The following DMBX1 variants were observed in gnomAD, a reference collection of about 807,000 sequenced individuals.
The protein encoded by DMBX1 is diencephalon/mesencephalon homeobox protein 1.
DMBX1 carries 7 observed loss-of-function variants against 30.4 expected under a neutral mutation model. That is an observed-to-expected ratio of 0.23 (90% confidence interval 0.13 to 0.43). The LOEUF is 0.43. Among genes scored for constraint, DMBX1 ranks in the 20% least tolerant of loss-of-function variants. The pLI is 1.00. For missense variants in DMBX1, 460 were observed against 508.5 expected, an observed-to-expected ratio of 0.90 and a Z score of 0.92; for synonymous variants, 222 against 214.2, an observed-to-expected ratio of 1.04 and a Z score of -0.32.
chr1:46,504,015 G>A (rs74802410), intron 2 of DMBX1, among the ~76,000 whole-genome samples: 8 of 152,344 alleles, frequency 5.3e-5, no homozygotes, highest in African/African-American at 1.4e-4. Flanking sequence ...ACAATTGGCC[G>A]TGAAAGAATA....
intron 2 of DMBX1, among the ~76,000 whole-genome samples, chr1:46,504,028 G>A (rs1666183764): frequency 6.6e-6 from 1 of 152,206 alleles, no homozygotes; most frequent in Admixed American, 6.5e-5. Flanking sequence ...AAAGAATAAG[G>A]CTCATGTCCT....
rs1666324716 is a variant in DMBX1, at chr1:46,510,037, C to T, written c.155-439C>T. 1.3e-5 allele frequency among the ~76,000 whole-genome samples: 2 copies of T among 152,118 alleles called. No individual in the cohort carries two copies. The highest frequency in any genetic ancestry group is 4.1e-4 in the South Asian group (2 of 4,826). On this transcript the variant is annotated intron_variant, in intron 3 of 5. Coordinates refer to ENST00000360032, the MANE Select transcript of DMBX1 (RefSeq NM_172225.2). This position sits in a 1 kb window ranked among gnomAD's most constrained non-coding sequence, Gnocchi z 4.1. ...AGCCTGGCTTCTCATGGGCAGGGAC[C>T]AGTACTCTGATGCTAAAGAAGTCTT...
At chr1:46,509,574 T>C (rs574759125) in intron 3 of DMBX1, among the ~76,000 whole-genome samples, 43 of 152,146 alleles carry the variant, frequency 2.8e-4, no homozygotes, top group Non-Finnish European at 5.3e-4. Context: ...CTGAAGGCTA[T>C]ACCCCAGGAT....
chr1:46,508,749 C>A (rs1666289135), intron 3 of DMBX1, among the ~76,000 whole-genome samples: 1 of 152,190 alleles, frequency 6.6e-6, no homozygotes, highest in African/African-American at 2.4e-5. Context: ...GAGGCCTTGC[C>A]TTCCAGCAGA....
chr1:46,495,973 G>C (rs1324015173), intron 2 of DMBX1, among the ~76,000 whole-genome samples: 1 of 151,068 alleles, frequency 6.6e-6, no homozygotes, highest in Non-Finnish European at 1.5e-5. Context: ...AGGTATCAGA[G>C]AGAACTGGTC....
rs749854768 is a variant in DMBX1 at position 46,512,261 on chromosome 1, G to T, written c.901G>T (p.Gly301Cys). 44 of 1,613,492 alleles carry T rather than the reference G, an allele frequency of 2.7e-5. No individual in the cohort carries two copies. The highest frequency in any genetic ancestry group is 3.5e-5 in the Non-Finnish European group (41 of 1,179,894). ...AAAAAAVPYL[G>C]VNMAPLGSLH... ...GGCGGCTGCTGCTGTGCCCTACCTG[G>T]GCGTCAACATGGCCCCGCTGGGCTC... Residue 301 changes from glycine to cysteine, a missense_variant, in exon 6 of 6, where the codon GGC becomes TGC. Transcript: ENST00000360032. The surrounding 1 kb of genome is among the most constrained non-coding windows in gnomAD (Gnocchi z 4.8).
intron 2 of DMBX1, among the ~76,000 whole-genome samples, chr1:46,499,682 C>T (rs184554814): frequency 1.2e-3 from 187 of 152,266 alleles, no homozygotes; most frequent in African/African-American, 4.4e-3. Flanking sequence ...ATTTCCTAAT[C>T]CTGCTTCTGC....
chr1:46,513,512 C>T lies in DMBX1; in HGVS notation c.*1018C>T, dbSNP rs551463197. ...TAATCTGGGAAGGCAGTAGAATGGC[C>T]AGCATTCCTGCCTGTAAGTCTTCCC... On this transcript the variant is annotated 3_prime_UTR_variant, in exon 6 of 6. Transcript: ENST00000360032. 2 of 152,334 alleles carry T rather than the reference C, an allele frequency of 1.3e-5. No homozygotes were observed. The highest frequency in any genetic ancestry group is 4.8e-5 in the African/African-American group (2 of 41,574). The allele number at this position is 152,334 out of a possible 1,614,324, so 9.4% of individuals were successfully genotyped here. A position where few individuals can be genotyped will look rare whatever the true frequency, so the allele number is the denominator to read the frequency against.
chr1:46,493,020 ACTC>A lies in DMBX1; in HGVS notation c.-13+2248_-13+2250del, dbSNP rs1271883978. Among the ~76,000 whole-genome samples the A allele has an allele frequency of 6.7e-6, 1 of 149,470 alleles. No homozygotes were observed. Among genetic ancestry groups the A allele is most frequent in the South Asian group, 2.1e-4 (1 of 4,666 alleles). On this transcript the variant is annotated intron_variant, in intron 2 of 5. Coordinates refer to ENST00000360032, the MANE Select transcript of DMBX1 (RefSeq NM_172225.2). This position sits in a 1 kb window ranked among gnomAD's most constrained non-coding sequence, Gnocchi z 4.1. ...GCCACTCTCTCCAGGCCTCGAAGTT[ACTC>A]CTCCTCCTCCGGCCAGTCCCAGTTC...
At chr1:46,500,273 C>T (rs1003181441) in intron 2 of DMBX1, among the ~76,000 whole-genome samples, 50 of 152,122 alleles carry the variant, frequency 3.3e-4, no homozygotes, top group African/African-American at 1.2e-3. Context: ...ATCTCTCTGG[C>T]TTCAGTTAAT....
At chr1:46,509,321 G>A (rs573615237) in intron 3 of DMBX1, among the ~76,000 whole-genome samples, 7 of 152,050 alleles carry the variant, frequency 4.6e-5, no homozygotes, top group East Asian at 1.9e-4. Flanking sequence ...TAATCCACCC[G>A]CCCAAAGTGC....
At chr1:46,508,740 A>T (rs1217363222) in intron 3 of DMBX1, among the ~76,000 whole-genome samples, 4 of 152,164 alleles carry the variant, frequency 2.6e-5, no homozygotes, top group Admixed American at 2.6e-4. Flanking sequence ...CTTTGTATGG[A>T]GGCCTTGCCT....
At position 46,510,813 on chromosome 1, in the gene DMBX1, G is replaced by T. The variant is rs1666351049; in HGVS notation, c.334-122G>T. 7.5e-7 allele frequency: 1 copy of T among 1,336,920 alleles called. No individual in the cohort carries two copies. The highest frequency in any genetic ancestry group is 1.5e-5 in the South Asian group (1 of 67,980). The allele number at this position is 1,336,920 out of a possible 1,614,324, so 82.8% of individuals were successfully genotyped here. A position where few individuals can be genotyped will look rare whatever the true frequency, so the allele number is the denominator to read the frequency against. On this transcript the variant is annotated intron_variant, in intron 4 of 5. Transcript: ENST00000360032. This position sits in a 1 kb window ranked among gnomAD's most constrained non-coding sequence, Gnocchi z 4.1. ...GAGGGGAGTTTGGGAAGGGACAGAG[G>T]GTGTGCATTCCCTAGAGGGGTGGGG... is the stretch of plus-strand genomic sequence containing the variant.
intron 2 of DMBX1, among the ~76,000 whole-genome samples, chr1:46,505,539 GA>G (rs1238404498): frequency 1.4e-5 from 2 of 147,298 alleles, no homozygotes; most frequent in Non-Finnish European, 3.0e-5. Flanking sequence ...TCATAGGTGG[GA>G]ATTGAACAAT....
intron 2 of DMBX1, among the ~76,000 whole-genome samples, chr1:46,503,467 G>C (rs1253640685): frequency 1.3e-5 from 2 of 152,218 alleles, no homozygotes; most frequent in East Asian, 3.8e-4. Context: ...GGATGAATAT[G>C]TGTAATATAC....
At chr1:46,494,622 C>T (rs1375190484) in intron 2 of DMBX1, among the ~76,000 whole-genome samples, 2 of 152,232 alleles carry the variant, frequency 1.3e-5, no homozygotes, top group Admixed American at 6.5e-5. Context: ...CTCCTATCCA[C>T]TGGGCCCCCA....
At chr1:46,505,343 A>T in intron 2 of DMBX1, among the ~76,000 whole-genome samples, 1 of 143,626 alleles carries the variant, frequency 7.0e-6, no homozygotes, top group Admixed American at 7.1e-5. Context: ...AAGACTTGGA[A>T]CCAACCCAAA....
intron 2 of DMBX1, among the ~76,000 whole-genome samples, chr1:46,499,297 A>T (rs2148483598): frequency 6.6e-6 from 1 of 152,288 alleles, no homozygotes; most frequent in Middle Eastern, 3.4e-3. Context: ...TTGGCCTCCC[A>T]AAGTGCTGGG....
intron 2 of DMBX1, among the ~76,000 whole-genome samples, chr1:46,506,729 C>G (rs1247762444): frequency 1.3e-5 from 2 of 152,198 alleles, no homozygotes; most frequent in South Asian, 2.1e-4. Context: ...CTTGAGGTTT[C>G]AGCCTGCCCT....
Sources: allele counts gnomAD v4.1 joint callset (sites outside exome capture counted in the v4.1 genomes callset), GRCh38; gene constraint gnomAD v4.1.1; non-coding constraint Gnocchi (gnomAD v3.1); transcripts MANE v1.5; gene names NCBI Gene and HGNC (gene_info 2026-07-23, HGNC 2026-07-21).